The following STPG2 variants were observed in gnomAD, a reference collection of about 807,000 sequenced individuals.
STPG2 encodes the protein sperm tail PG-rich repeat containing 2.
STPG2 carries 56 observed loss-of-function variants against 54.2 expected under a neutral mutation model. That is an observed-to-expected ratio of 1.03 (90% CI 0.83 to 1.29). STPG2 has a LOEUF of 1.29. Ranked by LOEUF, STPG2 falls within the 50% of genes most tolerant of loss-of-function variation. The probability of loss-of-function intolerance (pLI) is 0.00; values close to 1 mark genes in which losing one functional copy is unlikely to be tolerated. For synonymous variants in STPG2, 200 were observed against 181.8 expected (o/e 1.10, Z -0.81); for missense variants, 596 against 544.9 (o/e 1.09, Z -0.93).
chr4:97,928,557 T>G (rs1388655909), intron 8 of STPG2, among the ~76,000 whole-genome samples: 1 of 152,190 alleles, frequency 6.6e-6, no homozygotes, highest in Non-Finnish European at 1.5e-5. Flanking sequence ...TGTCCTCCTT[T>G]GACCTCTCCC....
chr4:97,490,873 A>G (rs918934221), intron 4 of STPG2, among the ~76,000 whole-genome samples: 12 of 151,690 alleles, frequency 7.9e-5, no homozygotes, highest in African/African-American at 2.9e-4. Context: ...GGCAAAAAGC[A>G]CACAATTAAA....
intron 5 of STPG2, among the ~76,000 whole-genome samples, chr4:97,995,427 T>C (rs958727652): frequency 1.3e-5 from 2 of 152,170 alleles, no homozygotes; most frequent in Admixed American, 1.3e-4. Context: ...GCTCTGTCTG[T>C]CCAAGTGGAA....
chr4:98,102,123 TATG>T (rs1454626273), intron 5 of STPG2, among the ~76,000 whole-genome samples: 1 of 152,212 alleles, frequency 6.6e-6, no homozygotes, highest in Non-Finnish European at 1.5e-5. Context: ...TATGATTCAT[TATG>T]ATATGTATTC....
At chr4:97,785,508 A>G (rs1360266807) in intron 9 of STPG2, among the ~76,000 whole-genome samples, 4 of 152,136 alleles carry the variant, frequency 2.6e-5, no homozygotes, top group Non-Finnish European at 5.9e-5. Flanking sequence ...AATTGTATAT[A>G]CGTTTGTGTT....
rs145740152 is a variant in STPG2 at position 97,871,050 on chromosome 4, C to T, written c.1045-30118G>A. Among the ~76,000 whole-genome samples, 91 of 150,620 alleles carry T rather than the reference C, an allele frequency of 6.0e-4. No homozygotes were observed. In the East Asian group the frequency reaches 0.014, roughly 23 times the overall value. On this transcript the variant is annotated intron_variant, in intron 8 of 10. Coordinates refer to ENST00000295268, the MANE Select transcript of STPG2 (RefSeq NM_174952.3). Reference sequence around the variant, plus strand: ...ACCTTTCCATCCAAAATTTAAAGAACGTAATACTAAATAGCTCGAGTGAAA... The same window carrying T: ...ACCTTTCCATCCAAAATTTAAAGAATGTAATACTAAATAGCTCGAGTGAAA...
At chr4:97,915,793 C>T (rs1011189690) in intron 8 of STPG2, among the ~76,000 whole-genome samples, 10 of 152,106 alleles carry the variant, frequency 6.6e-5, no homozygotes, top group African/African-American at 1.9e-4. Flanking sequence ...CTCAAGGAGT[C>T]TGAACTCCAC....
chr4:97,978,527 A>T (rs1318077992), intron 6 of STPG2, among the ~76,000 whole-genome samples: 2 of 152,122 alleles, frequency 1.3e-5, no homozygotes, highest in African/African-American at 2.4e-5. Flanking sequence ...GGGTGGGAGG[A>T]GGGAGAGAGT....
intron 9 of STPG2, among the ~76,000 whole-genome samples, chr4:97,836,861 AT>A (rs1340862540): frequency 6.7e-6 from 1 of 149,036 alleles, no homozygotes; most frequent in Non-Finnish European, 1.5e-5. Context: ...ATAAATGATA[AT>A]TAATAACAAT....
intron 10 of STPG2, among the ~76,000 whole-genome samples, chr4:97,699,017 T>C (rs911819948): frequency 6.6e-6 from 1 of 152,142 alleles, no homozygotes; most frequent in Non-Finnish European, 1.5e-5. Flanking sequence ...CAAACACATA[T>C]CCAGAGTAAG....
chr4:97,772,990 A>C (rs1003939336), intron 9 of STPG2, among the ~76,000 whole-genome samples: 2 of 152,136 alleles, frequency 1.3e-5, no homozygotes, highest in South Asian at 2.1e-4. Flanking sequence ...TGTAGGCAAC[A>C]ATTTTAAATT....
intron 10 of STPG2, among the ~76,000 whole-genome samples, chr4:97,635,238 C>T (rs1421731217): frequency 1.3e-5 from 2 of 152,104 alleles, no homozygotes; most frequent in Non-Finnish European, 2.9e-5. Context: ...TCCAGCCAAA[C>T]TAAGCTTCAT....
intron 4 of STPG2, among the ~76,000 whole-genome samples, chr4:97,522,022 TAAATATGC>T (rs1731190498): frequency 3.3e-5 from 5 of 152,112 alleles, no homozygotes; most frequent in Non-Finnish European, 7.4e-5. Flanking sequence ...AATGCCAAAG[TAAATATGC>T]TTTAAAAATA....
intron 4 of STPG2, among the ~76,000 whole-genome samples, chr4:97,467,278 T>G (rs1401196359): frequency 6.6e-6 from 1 of 151,958 alleles, no homozygotes; most frequent in African/African-American, 2.4e-5. Context: ...ATTAAAATGT[T>G]AAAAGTATAT....
chr4:97,935,482 A>G (rs970279251), intron 8 of STPG2, among the ~76,000 whole-genome samples: 1 of 151,956 alleles, frequency 6.6e-6, no homozygotes, highest in Non-Finnish European at 1.5e-5. Flanking sequence ...TAGGGTGTTG[A>G]TTTGAGATCT....
intron 5 of STPG2, among the ~76,000 whole-genome samples, chr4:98,054,246 G>A (rs1324276868): frequency 6.6e-6 from 1 of 151,938 alleles, no homozygotes; most frequent in Non-Finnish European, 1.5e-5. Flanking sequence ...AAATCACAAC[G>A]CATAACCCCA....
At position 97,801,845 on chromosome 4, in the gene STPG2, C is replaced by T. The variant is rs946654507; in HGVS notation, c.1204+38928G>A. Among the ~76,000 whole-genome samples the T allele has an allele frequency of 9.2e-5, 14 of 152,190 alleles. No individual in the cohort carries two copies. In the South Asian group the frequency reaches 1.5e-3, roughly 16 times the overall value. ...CCTATCCCTTTATTCTCTGCAATGCCATCAATTAGAACTGAACAGATGTTT... is the reference window on the plus strand; with the variant it reads ...CCTATCCCTTTATTCTCTGCAATGCTATCAATTAGAACTGAACAGATGTTT... On this transcript the variant is annotated intron_variant, in intron 9 of 10. Transcript: ENST00000295268.
In STPG2 at chr4:97,566,257, C is replaced by A. The variant is rs529167281; in HGVS notation, c.1321-7140G>T. On this transcript the variant is annotated intron_variant, in intron 10 of 10. Coordinates refer to ENST00000295268, the MANE Select transcript of STPG2 (RefSeq NM_174952.3). ...CTCCGAGCCTGGTGCGGGATATAAT[C>A]TCCTGGTGCACCATTTTTTAAGCCC... 2.0e-5 allele frequency among the ~76,000 whole-genome samples: 3 copies of A among 152,340 alleles called. No individual in the cohort carries two copies. The South Asian group carries it at 6.2e-4, about 32-fold the overall frequency.
intron 4 of STPG2, chr4:97,489,832 T>A (rs997030248): frequency 6.6e-6 from 1 of 151,488 alleles, no homozygotes; most frequent in East Asian, 2.0e-4. Flanking sequence ...TTGCTCTGGG[T>A]AAATTAGGAG....
chr4:97,611,612 G>A (rs1417909789), intron 10 of STPG2, among the ~76,000 whole-genome samples: 1 of 151,950 alleles, frequency 6.6e-6, no homozygotes, highest in East Asian at 1.9e-4. Flanking sequence ...GCTAGAATTT[G>A]CAGAAAATAA....
Sources: gnomAD v4.1 joint callset for allele counts (sites outside exome capture counted in the v4.1 genomes callset) on GRCh38, gnomAD v4.1.1 for gene constraint, MANE v1.5 for transcripts, NCBI Gene and HGNC (gene_info 2026-07-23, HGNC 2026-07-21) for gene names.